The following RAP1GAP2 variants were observed in gnomAD, a reference collection of about 807,000 sequenced individuals.
RAP1GAP2 encodes rap1 GTPase-activating protein 2.
A neutral mutation model predicts 95.0 loss-of-function variants in RAP1GAP2; 27 were observed. That is an observed-to-expected ratio of 0.28 (90% CI 0.21 to 0.39). RAP1GAP2 has a LOEUF of 0.39. RAP1GAP2 is among the 10% of genes least tolerant of loss of function. The pLI, the probability that RAP1GAP2 is intolerant of heterozygous loss-of-function variation, is 1.00. For synonymous variants in RAP1GAP2, 373 were observed against 380.9 expected (o/e 0.98, Z 0.24); for missense variants, 771 against 970.0 (o/e 0.79, Z 2.72).
At chr17:2,967,296 A>G (rs1479499129) in intron 8 of RAP1GAP2, among the ~76,000 whole-genome samples, 1 of 152,142 alleles carries the variant, frequency 6.6e-6, no homozygotes, top group Non-Finnish European at 1.5e-5. Context: ...ACCTGAACCC[A>G]GGAAGCAGAG....
rs1343577868 is a variant in RAP1GAP2, at chr17:2,904,603, C to T, written c.81-681C>T. On this transcript the variant is annotated intron_variant, in intron 2 of 24. Transcript: ENST00000254695. This position sits in a 1 kb window ranked among gnomAD's most constrained non-coding sequence, Gnocchi z 4.7. ...AGGGGCTCAAGGGAGAATGAATCCGCGTTTCTCCCCTCCTCTTCTCACACC... is the reference window on the plus strand; with the variant it reads ...AGGGGCTCAAGGGAGAATGAATCCGTGTTTCTCCCCTCCTCTTCTCACACC... 5.6e-5 allele frequency among the ~76,000 whole-genome samples: 8 copies of T among 143,310 alleles called. No homozygotes were observed. Among genetic ancestry groups the T allele is most frequent in the African/African-American group, 1.8e-4 (7 of 39,258 alleles). The allele number at this position is 143,310 out of a possible 152,430, so 94.0% of individuals were successfully genotyped here.
In RAP1GAP2 at chr17:2,825,755, T is replaced by G. The variant is rs989747908; in HGVS notation, c.80+25205T>G. On this transcript the variant is annotated intron_variant, in intron 2 of 24. Transcript: ENST00000254695. The surrounding 1 kb of genome is among the most constrained non-coding windows in gnomAD (Gnocchi z 4.1). ...CAGCTGTTACTGAAGACAGAGCGTT[T>G]AGGTGTGAAGAGGGTCTGGTGCCCG... Among the ~76,000 whole-genome samples the G allele has an allele frequency of 6.6e-6, 1 of 152,078 alleles. No individual in the cohort carries two copies. The highest frequency in any genetic ancestry group is 2.4e-5 in the African/African-American group (1 of 41,438).
At position 3,027,434 on chromosome 17, in the gene RAP1GAP2, C is replaced by G. The variant is rs2047160889; in HGVS notation, c.2107+364C>G. Among the ~76,000 whole-genome samples, 1 of 152,096 alleles carries G rather than the reference C, an allele frequency of 6.6e-6. No homozygotes were observed. The highest frequency in any genetic ancestry group is 1.5e-5 in the Non-Finnish European group (1 of 68,024). On this transcript the variant is annotated intron_variant, in intron 22 of 24. Coordinates refer to ENST00000254695, the MANE Select transcript of RAP1GAP2 (RefSeq NM_015085.5). This position sits in a 1 kb window ranked among gnomAD's most constrained non-coding sequence, Gnocchi z 5.2. ...TGCCAGCGCTCCAGGGCTGCCAGGG[C>G]CCGTCTGTCATGTCGGGGGTCTTGA...
chr17:3,032,507 T>A lies in RAP1GAP2; in HGVS notation c.*30+58T>A. On this transcript the variant is annotated intron_variant, in intron 24 of 24. Coordinates refer to ENST00000254695, the MANE Select transcript of RAP1GAP2 (RefSeq NM_015085.5). ...AGGGGGGACGTGTGTTTCTTTTAGA[T>A]CAGGGAACTAGAGGCCTTGTAACCT... The A allele has an allele frequency of 2.0e-6, 3 of 1,535,214 alleles. No individual in the cohort carries two copies. The South Asian group carries it at 3.4e-5, about 17-fold the overall frequency.
chr17:2,995,217 A>T (rs2045910463), intron 12 of RAP1GAP2, 120 bp from the exon 13 acceptor site: 2 of 1,274,004 alleles, frequency 1.6e-6, no homozygotes, highest in African/African-American at 3.0e-5. Flanking sequence ...CTCTGCCCTC[A>T]GCTCTCCTGT....
intron 14 of RAP1GAP2, 81 bp downstream of exon 14, chr17:2,998,457 A>C (rs2046042269): frequency 7.0e-7 from 1 of 1,434,294 alleles, no homozygotes; most frequent in Non-Finnish European, 9.6e-7. Flanking sequence ...AGAGGACACT[A>C]GTCCTCAGCA....
intron 3 of RAP1GAP2, among the ~76,000 whole-genome samples, chr17:2,932,932 C>A (rs373229454): frequency 9.9e-5 from 15 of 152,018 alleles, no homozygotes; most frequent in African/African-American, 3.4e-4. Context: ...TTCTTCAGCC[C>A]CTTTCCTCCT....
chr17:2,954,383 C>G (rs1264137506), intron 3 of RAP1GAP2, among the ~76,000 whole-genome samples: 1 of 151,838 alleles, frequency 6.6e-6, no homozygotes, highest in African/African-American at 2.4e-5. Context: ...GGATTACAGG[C>G]TTGAGCCACC....
chr17:2,989,633 G>A (rs1038569739), intron 11 of RAP1GAP2, among the ~76,000 whole-genome samples: 3 of 151,422 alleles, frequency 2.0e-5, no homozygotes, highest in Non-Finnish European at 4.4e-5. Context: ...GCGCCCGGCC[G>A]TTTTCATGTC....
chr17:2,782,094 C>G (rs1315044340), intron 1 of RAP1GAP2, among the ~76,000 whole-genome samples: 1 of 152,198 alleles, frequency 6.6e-6, no homozygotes, highest in East Asian at 1.9e-4. Flanking sequence ...TTTTTCCCTG[C>G]AGGATTTCCT....
At position 3,036,512 on chromosome 17, in the gene RAP1GAP2, G is replaced by C. The variant is rs140224995; in HGVS notation, c.*3151G>C. 5 of 152,396 alleles carry C rather than the reference G, an allele frequency of 3.3e-5. No homozygotes were observed. Among genetic ancestry groups the C allele is most frequent in the South Asian group, 2.1e-4 (1 of 4,828 alleles). 9.4% of individuals were successfully genotyped at this position (152,396 alleles called of 1,614,324 possible). On this transcript the variant is annotated 3_prime_UTR_variant, in exon 25 of 25. Transcript: ENST00000254695. ...CTGCAGTTTCTGCTCTTTTTCATCA[G>C]GGGGGATAGTCTCTAGGATTTTTCA...
Position 2,965,351 on chromosome 17 carries a change from T to G in RAP1GAP2, c.493-189T>G, listed in dbSNP as rs1215906970. ...AAGGAGATAGTGGGTATTAAGCCCC[T>G]GGCACGGTGCCTGGCGCCTCCTGAG... On this transcript the variant is annotated intron_variant, in intron 7 of 24. Transcript: ENST00000254695. The surrounding 1 kb of genome is among the most constrained non-coding windows in gnomAD (Gnocchi z 4.7). The G allele has an allele frequency of 3.3e-6, 2 of 597,938 alleles. No individual in the cohort carries two copies. The highest frequency in any genetic ancestry group is 6.0e-6 in the Non-Finnish European group (2 of 334,978). The allele number at this position is 597,938 out of a possible 1,614,324, so 37.0% of individuals were successfully genotyped here.
intron 2 of RAP1GAP2, among the ~76,000 whole-genome samples, chr17:2,831,156 C>A (rs1160390712): frequency 7.1e-6 from 1 of 140,732 alleles, no homozygotes. Context: ...CGGCTCACTG[C>A]AACCTCTGCC....
rs115092782 is a variant in RAP1GAP2, at chr17:2,842,073, C to T, written c.80+41523C>T. Among the ~76,000 whole-genome samples, 353 of 152,320 alleles carry T rather than the reference C, an allele frequency of 2.3e-3. 4 individuals are homozygous for T. The highest frequency in any genetic ancestry group is 7.2e-3 in the African/African-American group (298 of 41,566). On this transcript the variant is annotated intron_variant, in intron 2 of 24. Coordinates refer to ENST00000254695, the MANE Select transcript of RAP1GAP2 (RefSeq NM_015085.5). ...CCTTCCGCCCATGTTATCTAGTTTCCTCCACAACCTGGGGGAGTATTGGGG... is the reference window on the plus strand; with the variant it reads ...CCTTCCGCCCATGTTATCTAGTTTCTTCCACAACCTGGGGGAGTATTGGGG...
chr17:2,927,858 T>TG (rs1330623698), intron 3 of RAP1GAP2, among the ~76,000 whole-genome samples: 5 of 152,224 alleles, frequency 3.3e-5, no homozygotes, highest in Admixed American at 3.3e-4. Context: ...ATTCTTCACC[T>TG]GCCTGATCTC....
rs559173874 is a variant in RAP1GAP2, at chr17:3,032,457, G to A, written c.*30+8G>A. On this transcript the variant is annotated splice_region_variant and intron_variant, in intron 24 of 24. Transcript: ENST00000254695. ...GTCCTTCGCCTGTCCAAGGTGGGTTGAGTGAATGTCCTGCTGTGGCCGTGA... is the reference window on the plus strand; with the variant it reads ...GTCCTTCGCCTGTCCAAGGTGGGTTAAGTGAATGTCCTGCTGTGGCCGTGA... The A allele has an allele frequency of 7.6e-5, 122 of 1,613,188 alleles. 2 individuals carry two copies. In the South Asian group the frequency reaches 1.3e-3, roughly 17 times the overall value.
Position 2,871,416 on chromosome 17 carries a change from T to C in RAP1GAP2, c.81-33868T>C, listed in dbSNP as rs1206282076. Reference sequence around the variant, plus strand: ...AGGGGTGGGAGCGGGGAGCCATGATTGGCCCAGGGAGAGTCAGGGGCGCAC... The same window carrying C: ...AGGGGTGGGAGCGGGGAGCCATGATCGGCCCAGGGAGAGTCAGGGGCGCAC... On this transcript the variant is annotated intron_variant, in intron 2 of 24. Coordinates refer to ENST00000254695, the MANE Select transcript of RAP1GAP2 (RefSeq NM_015085.5). This position sits in a 1 kb window ranked among gnomAD's most constrained non-coding sequence, Gnocchi z 5.0. Among the ~76,000 whole-genome samples, 1 of 152,142 alleles carries C rather than the reference T, an allele frequency of 6.6e-6. No individual in the cohort carries two copies. Among genetic ancestry groups the C allele is most frequent in the African/African-American group, 2.4e-5 (1 of 41,430 alleles).
chr17:2,796,298 C>G, upstream of RAP1GAP2: 2 of 561,144 alleles, frequency 3.6e-6, no homozygotes, highest in South Asian at 4.6e-5. This position sits in a 1 kb window ranked among gnomAD's most constrained non-coding sequence, Gnocchi z 4.7. Flanking sequence ...AAGCTGCCCT[C>G]CACAACCTCC....
At position 2,870,208 on chromosome 17, in the gene RAP1GAP2, C is replaced by G. The variant is rs975045920; in HGVS notation, c.81-35076C>G. Among the ~76,000 whole-genome samples the G allele has an allele frequency of 2.0e-5, 3 of 151,920 alleles. No individual in the cohort carries two copies. In the South Asian group the frequency reaches 6.3e-4, roughly 32 times the overall value. ...TCTCGGCTCACTGTAACCTCCCTCC[C>G]AAGTTCAAGTGATTCTCCTTGCCTT... On this transcript the variant is annotated intron_variant, in intron 2 of 24. Transcript: ENST00000254695. This position sits in a 1 kb window ranked among gnomAD's most constrained non-coding sequence, Gnocchi z 4.4.
Sources: gnomAD v4.1 joint callset for allele counts (sites outside exome capture counted in the v4.1 genomes callset) on GRCh38, gnomAD v4.1.1 for gene constraint, Gnocchi (gnomAD v3.1) non-coding constraint, MANE v1.5 for transcripts, NCBI Gene and HGNC (gene_info 2026-07-23, HGNC 2026-07-21) for gene names.